The following SAP130 variants were observed in gnomAD, a reference collection of about 807,000 sequenced individuals.
SAP130 encodes the protein histone deacetylase complex subunit SAP130.
Under a neutral mutation model 103.2 loss-of-function variants are expected in SAP130, and 16 were observed. That is an observed-to-expected ratio of 0.16 (90% CI 0.10 to 0.24). The LOEUF is 0.24. Ranked by LOEUF, SAP130 falls within the 10% of genes least tolerant of loss-of-function variation. The pLI is 1.00. For synonymous variants in SAP130, 477 were observed against 497.0 expected (o/e 0.96, Z 0.53); for missense variants, 990 against 1,359.7 (o/e 0.73, Z 4.28).
chr2:127,973,767 G>T lies in SAP130; in HGVS notation c.2063+4218C>A, dbSNP rs144662440. 4.5e-3 allele frequency among the ~76,000 whole-genome samples: 691 copies of T among 152,094 alleles called. 6 individuals carry two copies. Among genetic ancestry groups the T allele is most frequent in the African/African-American group, 0.016 (649 of 41,480 alleles). On this transcript the variant is annotated intron_variant, in intron 15 of 20. Transcript: ENST00000643581. Reference sequence around the variant, plus strand: ...CAGCTGTACCTTCAAATCATATCAAGAATCCAAACACTTTTAAGACATATG... The same window carrying T: ...CAGCTGTACCTTCAAATCATATCAATAATCCAAACACTTTTAAGACATATG...
intron 6 of SAP130, among the ~76,000 whole-genome samples, chr2:128,012,232 G>A (rs1345602876): frequency 6.6e-6 from 1 of 152,180 alleles, no homozygotes; most frequent in Non-Finnish European, 1.5e-5. Context: ...CACTTCAGGA[G>A]GCCGAGGCAG....
chr2:127,963,233 C>A (rs1680384695), intron 15 of SAP130, among the ~76,000 whole-genome samples: 1 of 152,014 alleles, frequency 6.6e-6, no homozygotes, highest in Non-Finnish European at 1.5e-5. Flanking sequence ...AGTCAAATTT[C>A]TCTCTCTCTT....
At chr2:127,944,793 G>T (rs796674472) in intron 19 of SAP130, among the ~76,000 whole-genome samples, 1 of 151,780 alleles carries the variant, frequency 6.6e-6, no homozygotes, top group Non-Finnish European at 1.5e-5. Context: ...CTGTTTGGGG[G>T]TGCTGAGGTG....
At position 128,022,532 on chromosome 2, in the gene SAP130, G is replaced by C. The variant is rs577008599; in HGVS notation, c.112+3649C>G. Reference sequence around the variant, plus strand: ...TGTATATTTAATTTTATAAGATATTGCCAAATTGTTTCTTGAAGTGGCTAG... The same window carrying C: ...TGTATATTTAATTTTATAAGATATTCCCAAATTGTTTCTTGAAGTGGCTAG... On this transcript the variant is annotated intron_variant, in intron 2 of 20. Coordinates refer to ENST00000643581, the MANE Select transcript of SAP130 (RefSeq NM_001330301.2). Among the ~76,000 whole-genome samples, 7 of 152,244 alleles carry C rather than the reference G, an allele frequency of 4.6e-5. No individual in the cohort carries two copies. In the East Asian group the frequency reaches 1.3e-3, roughly 29 times the overall value.
intron 15 of SAP130, among the ~76,000 whole-genome samples, chr2:127,958,686 A>AGAGAGAGAGAGAGAGAGAG (rs1680025152): frequency 9.9e-6 from 1 of 100,992 alleles, no homozygotes; most frequent in African/African-American, 4.1e-5. Flanking sequence ...GAGAGAGAGA[A>AGAGAGAGAGAGAGAGAGAG]TCTCTCACTG....
At chr2:128,023,943 T>C (rs1009983329) in intron 2 of SAP130, among the ~76,000 whole-genome samples, 5 of 143,092 alleles carry the variant, frequency 3.5e-5, no homozygotes, top group African/African-American at 8.1e-5. Flanking sequence ...TAGAATATTC[T>C]AGAGAAAATA....
chr2:127,989,101 T>TC lies in SAP130; in HGVS notation c.1780+462dup. ...ACTAGGGCTGTTGATGTATACTGTA[T>TC]CTTTTTTTTTTTTTGGAGACAGAGT... On this transcript the variant is annotated intron_variant, in intron 13 of 20. Transcript: ENST00000643581. This position sits in a 1 kb window ranked among gnomAD's most constrained non-coding sequence, Gnocchi z 4.6. Among the ~76,000 whole-genome samples, 1 of 151,592 alleles carries TC rather than the reference T, an allele frequency of 6.6e-6. No homozygotes were observed. Among genetic ancestry groups the TC allele is most frequent in the East Asian group, 1.9e-4 (1 of 5,156 alleles).
chr2:127,969,279 C>T (rs1314317711), intron 15 of SAP130, among the ~76,000 whole-genome samples: 5 of 152,156 alleles, frequency 3.3e-5, no homozygotes, highest in African/African-American at 4.8e-5. Flanking sequence ...AATTTAATTA[C>T]GAGTTTTTAC....
At chr2:127,961,040 A>G (rs1478532901) in intron 15 of SAP130, among the ~76,000 whole-genome samples, 1 of 145,090 alleles carries the variant, frequency 6.9e-6, no homozygotes, top group East Asian at 2.0e-4. Flanking sequence ...CCCAGACTGG[A>G]GTACAGTGGC....
At chr2:127,962,541 T>C (rs1573666817) in intron 15 of SAP130, among the ~76,000 whole-genome samples, 1 of 152,308 alleles carries the variant, frequency 6.6e-6, no homozygotes, top group East Asian at 1.9e-4. Flanking sequence ...TGGAATACTA[T>C]GCAGCCATAA....
intron 12 of SAP130, among the ~76,000 whole-genome samples, chr2:127,990,938 C>A (rs373236046): frequency 4.0e-3 from 481 of 119,194 alleles, no homozygotes; most frequent in African/African-American, 4.4e-3. Flanking sequence ...AAGACTGTCT[C>A]AAAAAAAAAA....
intron 19 of SAP130, among the ~76,000 whole-genome samples, chr2:127,944,412 T>C (rs904315074): frequency 2.1e-5 from 3 of 146,032 alleles, no homozygotes; most frequent in Non-Finnish European, 3.0e-5. Context: ...CTGGGCAACA[T>C]AGTGAGACCC....
chr2:128,004,106 T>C (rs903034720), intron 7 of SAP130, among the ~76,000 whole-genome samples: 1 of 151,892 alleles, frequency 6.6e-6, no homozygotes, highest in African/African-American at 2.4e-5. Context: ...AGTGTTCAGA[T>C]GGGTCCTTGT....
At position 127,953,467 on chromosome 2, in the gene SAP130, A is replaced by ACTGCTCTGCTCACACTCC. The variant is rs1259069038; in HGVS notation, c.2422+1501_2422+1518dup. On this transcript the variant is annotated intron_variant, in intron 16 of 20. Transcript: ENST00000643581. The surrounding 1 kb of genome is among the most constrained non-coding windows in gnomAD (Gnocchi z 4.0). Reference sequence around the variant, plus strand: ...CTTCAGTCCTAAGTGAGTGCTTGGCACTGCTCTGCTCACACTCCCTGCTCT... The same window carrying ACTGCTCTGCTCACACTCC: ...CTTCAGTCCTAAGTGAGTGCTTGGCACTGCTCTGCTCACACTCCCTGCTCTGCTCACACTCCCTGCTCT... Among the ~76,000 whole-genome samples, 1 of 152,052 alleles carries ACTGCTCTGCTCACACTCC rather than the reference A, an allele frequency of 6.6e-6. No homozygotes were observed. The highest frequency in any genetic ancestry group is 2.1e-4 in the South Asian group (1 of 4,834).
chr2:127,947,764 C>CTGTGTGTGAGAGTGTG (rs1553500425), intron 18 of SAP130, among the ~76,000 whole-genome samples: 9 of 143,422 alleles, frequency 6.3e-5, no homozygotes, highest in South Asian at 4.5e-4. Flanking sequence ...TTGTGTGTGT[C>CTGTGTGTGAGAGTGTG]TGTGTGTGTG....
intron 13 of SAP130, among the ~76,000 whole-genome samples, chr2:127,987,567 T>C (rs749473693): frequency 1.1e-4 from 16 of 152,090 alleles, no homozygotes; most frequent in Non-Finnish European, 1.8e-4. Context: ...GTATCTAGTA[T>C]AGTCTCTCAC....
At position 127,955,367 on chromosome 2, in the gene SAP130, A is replaced by G. The variant is rs745352312; in HGVS notation, c.2064-23T>C. 4 of 1,502,880 alleles carry G rather than the reference A, an allele frequency of 2.7e-6. No individual in the cohort carries two copies. The highest frequency in any genetic ancestry group is 3.6e-6 in the Non-Finnish European group (4 of 1,116,860). The allele number at this position is 1,502,880 out of a possible 1,614,324, so 93.1% of individuals were successfully genotyped here. ...GCACTAAAACACAAAAGAAAAGCAC[A>G]TGTAGCAAATAAGAAAAAAACTGCC... On this transcript the variant is annotated intron_variant, in intron 15 of 20. Transcript: ENST00000643581. This position sits in a 1 kb window ranked among gnomAD's most constrained non-coding sequence, Gnocchi z 4.9.
chr2:127,998,203 T>C (rs781290532), intron 10 of SAP130, among the ~76,000 whole-genome samples: 3 of 152,204 alleles, frequency 2.0e-5, no homozygotes, highest in Non-Finnish European at 4.4e-5. Flanking sequence ...GCCATAATGT[T>C]ATCTCCAAAA....
intron 2 of SAP130, among the ~76,000 whole-genome samples, chr2:128,023,879 G>A (rs1197903387): frequency 6.6e-6 from 1 of 150,694 alleles, no homozygotes; most frequent in African/African-American, 2.4e-5. Flanking sequence ...TTCTCTACCT[G>A]AGTTGTTATG....
Sources: allele counts gnomAD v4.1 joint callset (sites outside exome capture counted in the v4.1 genomes callset), GRCh38; gene constraint gnomAD v4.1.1; non-coding constraint Gnocchi (gnomAD v3.1); transcripts MANE v1.5; gene names NCBI Gene and HGNC (gene_info 2026-07-23, HGNC 2026-07-21).